The following FGD3 variants were observed in gnomAD, a reference collection of about 807,000 sequenced individuals.
The protein encoded by FGD3 is FYVE, RhoGEF and PH domain-containing protein 3.
Under a neutral mutation model 71.8 loss-of-function variants are expected in FGD3, and 45 were observed. That is an observed-to-expected ratio of 0.63 (90% confidence interval 0.49 to 0.80). FGD3 has a LOEUF of 0.80. FGD3 is among the 30% of genes least tolerant of loss of function. The pLI, the probability that FGD3 is intolerant of heterozygous loss-of-function variation, is 0.00. For missense variants in FGD3, 844 were observed against 951.5 expected, an observed-to-expected ratio of 0.89 and a Z score of 1.49; for synonymous variants, 378 against 392.8, an observed-to-expected ratio of 0.96 and a Z score of 0.44.
chr9:93,025,257 G>A (rs1306412912), intron 14 of FGD3, among the ~76,000 whole-genome samples: 1 of 152,224 alleles, frequency 6.6e-6, no homozygotes, highest in African/African-American at 2.4e-5. Context: ...CTGGTCTCTT[G>A]TCTCTGTCCC....
At chr9:93,011,608 A>G (rs956100338) in intron 8 of FGD3, among the ~76,000 whole-genome samples, 9 of 152,182 alleles carry the variant, frequency 5.9e-5, no homozygotes, top group African/African-American at 2.2e-4. Context: ...CTATAATCCC[A>G]GCACTTTGGG....
intron 1 of FGD3, chr9:92,963,946 A>T (rs1859223630): frequency 6.6e-6 from 1 of 152,346 alleles, no homozygotes; most frequent in Non-Finnish European, 1.5e-5. Flanking sequence ...TGTCTGGTCT[A>T]GGGCCGGCCC....
At chr9:92,951,894 G>C (rs569436885) in intron 1 of FGD3, among the ~76,000 whole-genome samples, 1 of 152,206 alleles carries the variant, frequency 6.6e-6, no homozygotes, top group South Asian at 2.1e-4. Flanking sequence ...CTGACTTTAC[G>C]GCTGCAGAGA....
In FGD3 at chr9:92,969,537, T is replaced by G. The variant is rs1281034805; in HGVS notation, c.-217-5701T>G. Reference sequence around the variant, plus strand: ...CGTTTGTTGCTCCCCCTACATAACATGCCATTGTTATGGAGCCTCCTGTGT... The same window carrying G: ...CGTTTGTTGCTCCCCCTACATAACAGGCCATTGTTATGGAGCCTCCTGTGT... On this transcript the variant is annotated intron_variant, in intron 1 of 17. Coordinates refer to ENST00000375482, the MANE Select transcript of FGD3 (RefSeq NM_001083536.2). This position sits in a 1 kb window ranked among gnomAD's most constrained non-coding sequence, Gnocchi z 4.5. Among the ~76,000 whole-genome samples, 1 of 152,196 alleles carries G rather than the reference T, an allele frequency of 6.6e-6. No individual in the cohort carries two copies. The highest frequency in any genetic ancestry group is 1.9e-4 in the East Asian group (1 of 5,190).
intron 13 of FGD3, among the ~76,000 whole-genome samples, chr9:93,021,865 G>A (rs1057473469): frequency 6.6e-6 from 1 of 152,206 alleles, no homozygotes; most frequent in African/African-American, 2.4e-5. Context: ...AGGTGACCTG[G>A]GAATGTGAGA....
intron 3 of FGD3, among the ~76,000 whole-genome samples, chr9:92,976,974 C>T (rs1587824629): frequency 1.3e-5 from 2 of 152,200 alleles, no homozygotes; most frequent in Admixed American, 6.5e-5. Flanking sequence ...ACAGTGGGCA[C>T]CTCCCGACCC....
At chr9:92,967,406 C>T in intron 1 of FGD3, among the ~76,000 whole-genome samples, 1 of 152,220 alleles carries the variant, frequency 6.6e-6, no homozygotes, top group Non-Finnish European at 1.5e-5. Flanking sequence ...ATTCCCTCCC[C>T]TGGCCCTGGC....
chr9:92,990,096 T>G (rs1860349001), intron 3 of FGD3, among the ~76,000 whole-genome samples: 1 of 152,148 alleles, frequency 6.6e-6, no homozygotes, highest in Non-Finnish European at 1.5e-5. Context: ...TGAAATTTTT[T>G]TTTATCAGTT....
chr9:93,014,075 G>T, intron 9 of FGD3, 77 bp downstream of exon 9: 1 of 1,494,124 alleles, frequency 6.7e-7, no homozygotes, highest in Non-Finnish European at 8.9e-7. Flanking sequence ...TGCCAGGAGG[G>T]CTCTGGCTGC....
At chr9:92,998,774 G>C (rs924485052) in intron 3 of FGD3, among the ~76,000 whole-genome samples, 1 of 152,186 alleles carries the variant, frequency 6.6e-6, no homozygotes, top group Non-Finnish European at 1.5e-5. Context: ...ACAAGTGGAG[G>C]CTGCAGAACA....
chr9:92,952,300 G>C lies in FGD3; in HGVS notation c.-218+4571G>C, dbSNP rs540231693. Among the ~76,000 whole-genome samples the C allele has an allele frequency of 5.4e-5, 8 of 147,026 alleles. No individual in the cohort carries two copies. The South Asian group carries it at 1.3e-3, about 24-fold the overall frequency. On this transcript the variant is annotated intron_variant, in intron 1 of 17. Transcript: ENST00000375482. ...CGCCCGGGCTGGAGTGCAGTGGCACGATCTCGGCTCACTGCAAGCTCCGCT... is the reference window on the plus strand; with the variant it reads ...CGCCCGGGCTGGAGTGCAGTGGCACCATCTCGGCTCACTGCAAGCTCCGCT...
chr9:92,968,278 TGGCGG>T (rs1859406114), intron 1 of FGD3, among the ~76,000 whole-genome samples: 1 of 152,114 alleles, frequency 6.6e-6, no homozygotes, highest in Admixed American at 6.5e-5. Flanking sequence ...CTTGTTAAGG[TGGCGG>T]TGTGAGCCAT....
Position 92,976,552 on chromosome 9 carries a change from G to C in FGD3, c.296G>C (p.Gly99Ala). The change falls in exon 3 of 18, where the codon GGC becomes GCC. Residue 99 changes from glycine to alanine, a missense_variant. Coordinates refer to ENST00000375482, the MANE Select transcript of FGD3 (RefSeq NM_001083536.2). ...CCCTGCGAGGAGGGCTTGGAGGCTG[G>C]CCCAAGCCCCACTGTACTGGGGGCG... ...NFPCEEGLEA[G>A]PSPTVLGAHA... 1 of 1,612,536 alleles carries C rather than the reference G, an allele frequency of 6.2e-7. No individual in the cohort carries two copies. The highest frequency in any genetic ancestry group is 8.5e-7 in the Non-Finnish European group (1 of 1,179,830).
intron 1 of FGD3, among the ~76,000 whole-genome samples, chr9:92,952,741 C>CT (rs1858978950): frequency 6.6e-6 from 1 of 151,784 alleles, no homozygotes; most frequent in Non-Finnish European, 1.5e-5. Flanking sequence ...TTTTCTCTTT[C>CT]CTTCCCTTTT....
At chr9:92,998,487 C>T (rs1395269000) in intron 3 of FGD3, among the ~76,000 whole-genome samples, 2 of 152,222 alleles carry the variant, frequency 1.3e-5, no homozygotes, top group Non-Finnish European at 2.9e-5. Context: ...TCACCAAAGT[C>T]ATTCTCCTTC....
At chr9:93,022,773 T>G (rs749353375) in intron 14 of FGD3, among the ~76,000 whole-genome samples, 1 of 152,100 alleles carries the variant, frequency 6.6e-6, no homozygotes, top group Non-Finnish European at 1.5e-5. Context: ...AAGCATGTAT[T>G]AACAGTGCAA....
At chr9:93,001,642 G>A (rs1051891882) in intron 3 of FGD3, among the ~76,000 whole-genome samples, 5 of 152,172 alleles carry the variant, frequency 3.3e-5, no homozygotes, top group African/African-American at 1.2e-4. Flanking sequence ...ACTTGCTCCA[G>A]GTTAGGGAGA....
At chr9:92,958,369 C>T (rs1471448324) in intron 1 of FGD3, among the ~76,000 whole-genome samples, 1 of 152,132 alleles carries the variant, frequency 6.6e-6, no homozygotes, top group Non-Finnish European at 1.5e-5. Context: ...AGAGATTTCC[C>T]ATATATTCCC....
At chr9:92,975,509 C>A (rs1364976110) in intron 2 of FGD3, 104 bp downstream of exon 2, 1 of 152,226 alleles carries the variant, frequency 6.6e-6, no homozygotes, top group Non-Finnish European at 1.5e-5. Context: ...CCTCTAGGCC[C>A]GTCTCACCTT....
Sources: allele counts gnomAD v4.1 joint callset (sites outside exome capture counted in the v4.1 genomes callset), GRCh38; gene constraint gnomAD v4.1.1; non-coding constraint Gnocchi (gnomAD v3.1); transcripts MANE v1.5; gene names NCBI Gene and HGNC (gene_info 2026-07-23, HGNC 2026-07-21).